The following ERMARD variants were observed in gnomAD, a reference collection of about 807,000 sequenced individuals.
The protein encoded by ERMARD is ER membrane associated RNA degradation.
In ERMARD, 71 loss-of-function variants were observed where a neutral mutation model predicts 83.9. The observed-to-expected ratio is 0.85, with a 90% CI of 0.70 to 1.03. The LOEUF (loss-of-function observed/expected upper bound fraction) is 1.03, where lower values mean the gene tolerates loss of function less well. Ranked by LOEUF, ERMARD falls within the 50% of genes least tolerant of loss-of-function variation. The pLI is 0.00. For synonymous variants in ERMARD, 284 were observed against 298.6 expected (o/e 0.95, Z 0.50); for missense variants, 838 against 810.9 (o/e 1.03, Z -0.41).
In ERMARD at chr6:169,759,032, A is replaced by G. The variant is rs758485308; in HGVS notation, c.572A>G (p.His191Arg). The G allele has an allele frequency of 1.2e-6, 2 of 1,614,136 alleles. No homozygotes were observed. The highest frequency in any genetic ancestry group is 1.1e-5 in the South Asian group (1 of 91,056). The stretch of plus-strand genomic sequence containing the variant: ...CTCAACCTGCGTAACGTCTTATGGC[A>G]TGGGTTTGCGTCACCTGAAGAAATT... ...CGLNLRNVLW[H>R]GFASPEEIPP... Residue 191 changes from histidine to arginine, a missense_variant, in exon 6 of 18, where the codon CAT becomes CGT. Physicochemically the swap from His to Arg is conservative, Grantham distance 29. Coordinates refer to ENST00000366773, the MANE Select transcript of ERMARD (RefSeq NM_018341.3).
In ERMARD at chr6:169,776,685, C is replaced by G; in HGVS notation, c.1739+12C>G. ...CGTATGTGGAGTAGGTGCGCGCTCA[C>G]TTTCCTGTTTTGGAGGGGCACTGTG... is the stretch of plus-strand genomic sequence containing the variant. On this transcript the variant is annotated intron_variant, in intron 16 of 17. Coordinates refer to ENST00000366773, the MANE Select transcript of ERMARD (RefSeq NM_018341.3). The G allele has an allele frequency of 6.2e-7, 1 of 1,612,500 alleles. No homozygotes were observed. The highest frequency in any genetic ancestry group is 8.5e-7 in the Non-Finnish European group (1 of 1,179,696).
intron 9 of ERMARD, among the ~76,000 whole-genome samples, chr6:169,765,155 C>T (rs1792045407): frequency 6.6e-6 from 1 of 152,224 alleles, no homozygotes; most frequent in African/African-American, 2.4e-5. Context: ...GTGGCACGCA[C>T]CATCACTGTA....
rs946053239 is a variant in ERMARD, at chr6:169,761,239, C to G, written c.857+483C>G. ...CATTTTTGTTTTTTTCTTTTTGAGACTGGGTCTCACCCTGTCCTCCAGGCT... is the reference window on the plus strand; with the variant it reads ...CATTTTTGTTTTTTTCTTTTTGAGAGTGGGTCTCACCCTGTCCTCCAGGCT... On this transcript the variant is annotated intron_variant, in intron 8 of 17. Transcript: ENST00000366773. Among the ~76,000 whole-genome samples the G allele has an allele frequency of 2.0e-5, 3 of 152,166 alleles. No homozygotes were observed. In the East Asian group the frequency reaches 5.8e-4, roughly 29 times the overall value.
chr6:169,756,535 C>G (rs1790838326), intron 4 of ERMARD, 96 bp downstream of exon 4: 3 of 1,060,224 alleles, frequency 2.8e-6, no homozygotes, highest in East Asian at 2.5e-5. Flanking sequence ...GATTATTTTC[C>G]TATAAGATAA....
chr6:169,768,920 C>T (rs1275481560), intron 11 of ERMARD, among the ~76,000 whole-genome samples: 1 of 152,132 alleles, frequency 6.6e-6, no homozygotes, highest in Non-Finnish European at 1.5e-5. Flanking sequence ...ACATTTATTC[C>T]TTCTAACAGT....
chr6:169,758,902 T>C (rs1439099328), intron 5 of ERMARD, 66 bp from the exon 6 acceptor site: 1 of 1,400,030 alleles, frequency 7.1e-7, no homozygotes, highest in Non-Finnish European at 1.0e-6. Context: ...ACAAATGTTA[T>C]CTTCATACTA....
Position 169,781,375 on chromosome 6 carries a change from C to T in ERMARD, c.1899C>T (p.Tyr633=), listed in dbSNP as rs61747673. 5.2e-4 allele frequency: 832 copies of T among 1,612,600 alleles called. 6 individuals are homozygous for T. In the African/African-American group the frequency reaches 0.01, roughly 20 times the overall value. The change falls in exon 18 of 18, where the codon TAC becomes TAT. Residue 633 remains tyrosine (Y), a synonymous_variant. Coordinates refer to ENST00000366773, the MANE Select transcript of ERMARD (RefSeq NM_018341.3). ...ILQYTENLVA[Y]TSYEKNKWNE... Reference sequence around the variant, plus strand: ...AGTACACGGAGAACCTGGTGGCTTACACCAGTTACGAAAAGAACAAGTGGA... The same window carrying T: ...AGTACACGGAGAACCTGGTGGCTTATACCAGTTACGAAAAGAACAAGTGGA...
intron 2 of ERMARD, among the ~76,000 whole-genome samples, chr6:169,754,900 A>G (rs996141459): frequency 7.9e-5 from 12 of 152,232 alleles, no homozygotes; most frequent in African/African-American, 2.9e-4. Context: ...ACGTAAAAAA[A>G]TCAGGTTACA....
At position 169,779,193 on chromosome 6, in the gene ERMARD, T is replaced by G; in HGVS notation, c.1751T>G (p.Leu584Arg). 3.1e-6 allele frequency: 5 copies of G among 1,613,912 alleles called. No individual in the cohort carries two copies. The highest frequency in any genetic ancestry group is 4.2e-6 in the Non-Finnish European group (5 of 1,179,714). The change falls in exon 17 of 18, where the codon CTG becomes CGG. Residue 584 changes from leucine to arginine, a missense_variant. By Grantham distance (102) the Leu-to-Arg change is moderately radical. Transcript: ENST00000366773. ...TTATCTGTTTTTAGTATCAGACTACTGTCCCCTGTGCTCAGCCTGATACTG... is the reference window on the plus strand; with the variant it reads ...TTATCTGTTTTTAGTATCAGACTACGGTCCCCTGTGCTCAGCCTGATACTG... ...YLRMWSSIRL[L>R]SPVLSLILLL...
intron 10 of ERMARD, 43 bp from the exon 11 acceptor site, chr6:169,768,060 T>C (rs1792440052): frequency 1.3e-6 from 2 of 1,507,258 alleles, no homozygotes; most frequent in African/African-American, 2.7e-5. Flanking sequence ...TATGTTTATG[T>C]ATGGGGACCA....
chr6:169,763,002 T>C, intron 9 of ERMARD, among the ~76,000 whole-genome samples: 1 of 152,218 alleles, frequency 6.6e-6, no homozygotes, highest in East Asian at 1.9e-4. Flanking sequence ...TTTGTCTCAG[T>C]TTCTTGAGCC....
chr6:169,757,979 T>C (rs749594779), intron 5 of ERMARD, among the ~76,000 whole-genome samples: 3 of 152,262 alleles, frequency 2.0e-5, no homozygotes, highest in African/African-American at 7.2e-5. Flanking sequence ...CTGGCATTTA[T>C]ACATCTGATT....
At chr6:169,778,008 C>T (rs1006104931) in intron 16 of ERMARD, among the ~76,000 whole-genome samples, 1 of 152,240 alleles carries the variant, frequency 6.6e-6, no homozygotes, top group Non-Finnish European at 1.5e-5. Flanking sequence ...GCAGGACCCA[C>T]CCTGGACAGG....
intron 1 of ERMARD, chr6:169,753,396 T>C (rs1790398258): frequency 6.5e-6 from 1 of 154,470 alleles, no homozygotes. Flanking sequence ...TTTTTCCTTC[T>C]TGTTCGTTAT....
intron 5 of ERMARD, among the ~76,000 whole-genome samples, chr6:169,758,418 T>G (rs1210874740): frequency 6.6e-6 from 1 of 152,148 alleles, no homozygotes; most frequent in Non-Finnish European, 1.5e-5. Context: ...AGATAGATGG[T>G]GGGGTGGATA....
chr6:169,767,990 T>C, intron 10 of ERMARD, 113 bp from the exon 11 acceptor site: 1 of 795,170 alleles, frequency 1.3e-6, no homozygotes, highest in East Asian at 2.6e-5. Flanking sequence ...TTTAATTTGC[T>C]TAGACCTTAG....
Position 169,776,645 on chromosome 6 carries a change from C to A in ERMARD, c.1711C>A (p.Arg571=), listed in dbSNP as rs760835757. 13 of 1,614,014 alleles carry A rather than the reference C, an allele frequency of 8.1e-6. No individual in the cohort carries two copies. Among genetic ancestry groups the A allele is most frequent in the Non-Finnish European group, 1.0e-5 (12 of 1,180,030 alleles). The stretch of plus-strand genomic sequence containing the variant: ...GGAAAGGACGCTGCGGTCTCGCCAG[C>A]GGCAGAACTACCTGCGTATGTGGAG... ...WVERTLRSRQ[R]QNYLRMWSSI... The change falls in exon 16 of 18, where the codon CGG becomes AGG. Residue 571 remains arginine (R), a synonymous_variant. Transcript: ENST00000366773.
chr6:169,765,651 A>G (rs1420206468), intron 9 of ERMARD, among the ~76,000 whole-genome samples: 1 of 152,268 alleles, frequency 6.6e-6, no homozygotes, highest in Non-Finnish European at 1.5e-5. Flanking sequence ...AGAGCTAAAG[A>G]TAACAGATTT....
chr6:169,755,726 CGTT>C, intron 3 of ERMARD: 1 of 298,084 alleles, frequency 3.4e-6, no homozygotes, highest in South Asian at 5.0e-5. Flanking sequence ...CAGAATAAGG[CGTT>C]GTGGAGAGGT....
Sources: gnomAD v4.1 joint callset for allele counts (sites outside exome capture counted in the v4.1 genomes callset) on GRCh38, gnomAD v4.1.1 for gene constraint, MANE v1.5 for transcripts, NCBI Gene and HGNC (gene_info 2026-07-23, HGNC 2026-07-21) for gene names.